The following IFT52 variants were observed in gnomAD, a reference collection of about 807,000 sequenced individuals.
The protein encoded by IFT52 is intraflagellar transport protein 52 homolog.
IFT52 carries 44 observed loss-of-function variants against 54.4 expected under a neutral mutation model. The observed-to-expected ratio is 0.81, with a 90% CI of 0.63 to 1.04. The LOEUF is 1.04. Ranked by LOEUF, IFT52 falls within the 50% of genes least tolerant of loss-of-function variation. IFT52 has a pLI of 0.00. For synonymous variants in IFT52, 181 were observed against 185.3 expected (o/e 0.98, Z 0.19); for missense variants, 452 against 523.6 (o/e 0.86, Z 1.33).
intron 7 of IFT52, 88 bp downstream of exon 7, chr20:43,614,064 A>G (rs1983666182): frequency 3.3e-6 from 4 of 1,205,480 alleles, no homozygotes; most frequent in Non-Finnish European, 4.7e-6. Context: ...AGGCTTCTAT[A>G]TGTTTTCTCA....
intron 10 of IFT52, among the ~76,000 whole-genome samples, chr20:43,625,781 G>A (rs1984674004): frequency 6.6e-6 from 1 of 152,020 alleles, no homozygotes; most frequent in South Asian, 2.1e-4. Flanking sequence ...GGACTTCCTT[G>A]GCTTTCACTC....
intron 10 of IFT52, 69 bp downstream of exon 10, chr20:43,624,114 T>A: frequency 6.6e-7 from 1 of 1,507,340 alleles, no homozygotes; most frequent in Non-Finnish European, 9.1e-7. Flanking sequence ...AACATGAACC[T>A]GGGAACGGGA....
At chr20:43,628,427 C>T (rs181347838) in intron 10 of IFT52, among the ~76,000 whole-genome samples, 44 of 152,230 alleles carry the variant, frequency 2.9e-4, no homozygotes, top group African/African-American at 1.0e-3. Context: ...AAGGGAAAAT[C>T]GCCTACTCAA....
At chr20:43,620,613 G>A (rs370966816) in intron 8 of IFT52, among the ~76,000 whole-genome samples, 69 of 152,256 alleles carry the variant, frequency 4.5e-4, no homozygotes, top group African/African-American at 1.5e-3. Flanking sequence ...CCAAGATTGC[G>A]CCACCGCACT....
intron 12 of IFT52, among the ~76,000 whole-genome samples, chr20:43,640,819 G>T (rs1985858510): frequency 6.6e-6 from 1 of 152,014 alleles, no homozygotes; most frequent in African/African-American, 2.4e-5. Context: ...GTGGATTGCT[G>T]GAGCTCACGA....
chr20:43,599,685 T>C lies in IFT52; in HGVS notation c.207+3163T>C, dbSNP rs186838171. ...AGAGCTGTGTGATGCCTTTTTCATG[T>C]TGACTTCCAGAAACTTCTGTGACAG... On this transcript the variant is annotated intron_variant, in intron 3 of 13. Coordinates refer to ENST00000373030, the MANE Select transcript of IFT52 (RefSeq NM_016004.5). 8.1e-4 allele frequency among the ~76,000 whole-genome samples: 124 copies of C among 152,288 alleles called. 1 individual carries two copies. The highest frequency in any genetic ancestry group is 2.8e-3 in the African/African-American group (115 of 41,562).
At chr20:43,604,368 C>A (rs1982695868) in intron 5 of IFT52, 110 bp downstream of exon 5, 2 of 717,364 alleles carry the variant, frequency 2.8e-6, no homozygotes, top group Non-Finnish European at 4.8e-6. Flanking sequence ...TCAGGAGTTC[C>A]AAACCAGCCT....
At chr20:43,631,983 C>T (rs1276253777) in intron 10 of IFT52, among the ~76,000 whole-genome samples, 16 of 150,338 alleles carry the variant, frequency 1.1e-4, no homozygotes, top group Non-Finnish European at 1.8e-4. Flanking sequence ...TGGAGTGCAA[C>T]GGCACGATCT....
chr20:43,627,599 G>A (rs1378291116), intron 10 of IFT52, among the ~76,000 whole-genome samples: 1 of 152,204 alleles, frequency 6.6e-6, no homozygotes, highest in Non-Finnish European at 1.5e-5. Flanking sequence ...AGAAGTCACA[G>A]GATATTTTTA....
intron 3 of IFT52, among the ~76,000 whole-genome samples, chr20:43,602,138 T>TTA (rs1555801597): frequency 0.15 from 8,274 of 56,882 alleles, 276 homozygotes; most frequent in Non-Finnish European, 0.2. Flanking sequence ...TTGAGCTGAT[T>TTA]TTTATTTTAT....
At chr20:43,602,429 T>C (rs890609278) in intron 3 of IFT52, among the ~76,000 whole-genome samples, 1 of 151,524 alleles carries the variant, frequency 6.6e-6, no homozygotes, top group Non-Finnish European at 1.5e-5. Flanking sequence ...CCCAAACTGT[T>C]GGGATTACAG....
At chr20:43,623,363 T>C (rs914111266) in intron 9 of IFT52, among the ~76,000 whole-genome samples, 1 of 152,082 alleles carries the variant, frequency 6.6e-6, no homozygotes, top group Non-Finnish European at 1.5e-5. Context: ...TTTTTTTGTA[T>C]TTCTGTAGTG....
At chr20:43,603,343 G>GT (rs1221730916) in intron 3 of IFT52, among the ~76,000 whole-genome samples, 2 of 152,188 alleles carry the variant, frequency 1.3e-5, no homozygotes, top group Non-Finnish European at 2.9e-5. Context: ...TAAATCAGTG[G>GT]TTCTTAACTA....
chr20:43,628,983 G>A (rs1291849993), intron 10 of IFT52, among the ~76,000 whole-genome samples: 1 of 152,178 alleles, frequency 6.6e-6, no homozygotes, highest in Non-Finnish European at 1.5e-5. Context: ...CGGGAGGTTA[G>A]AGGTTTTGGA....
rs4810390 is a variant in IFT52, at chr20:43,623,685, G to T, written c.769-206G>T. On this transcript the variant is annotated intron_variant, in intron 9 of 13. Coordinates refer to ENST00000373030, the MANE Select transcript of IFT52 (RefSeq NM_016004.5). ...TGGTGTAATTGGAGATTTGGATTTA[G>T]CCAGTACTGGGGTTTAGCCAAGTGA... Among the ~76,000 whole-genome samples the T allele has an allele frequency of 0.74, 112,486 of 152,162 alleles. 41,766 individuals are homozygous for T. The highest frequency in any genetic ancestry group is 0.8 in the East Asian group (4,118 of 5,174).
chr20:43,611,136 C>T (rs1983412884), intron 6 of IFT52, among the ~76,000 whole-genome samples: 1 of 152,140 alleles, frequency 6.6e-6, no homozygotes, highest in Non-Finnish European at 1.5e-5. Context: ...GAGGTATGGA[C>T]TAGTCCTGCT....
chr20:43,634,987 G>A (rs1985424723), intron 10 of IFT52, among the ~76,000 whole-genome samples: 1 of 152,008 alleles, frequency 6.6e-6, no homozygotes, highest in Non-Finnish European at 1.5e-5. Flanking sequence ...TGACCAACAT[G>A]GTGAAACCCA....
At position 43,603,642 on chromosome 20, in the gene IFT52, A is replaced by G. The variant is rs1982624760; in HGVS notation, c.208-118A>G. On this transcript the variant is annotated intron_variant, in intron 3 of 13. Coordinates refer to ENST00000373030, the MANE Select transcript of IFT52 (RefSeq NM_016004.5). ...TACTTTTTATCTTATATACATTTAT[A>G]TGTAAATGCCTTATAGATTTGAAAT... 5.6e-6 allele frequency: 5 copies of G among 886,110 alleles called. No homozygotes were observed. The South Asian group carries it at 8.4e-5, about 15-fold the overall frequency. 54.9% of individuals were successfully genotyped at this position (886,110 alleles called of 1,614,324 possible). A position where few individuals can be genotyped will look rare whatever the true frequency, so the allele number is the denominator to read the frequency against.
chr20:43,597,662 G>C (rs1438280796), intron 3 of IFT52, among the ~76,000 whole-genome samples: 1 of 152,192 alleles, frequency 6.6e-6, no homozygotes, highest in Non-Finnish European at 1.5e-5. Flanking sequence ...GGGAGGCTGA[G>C]AAGGGTGGAT....
Sources: allele counts gnomAD v4.1 joint callset (sites outside exome capture counted in the v4.1 genomes callset), GRCh38; gene constraint gnomAD v4.1.1; transcripts MANE v1.5; gene names NCBI Gene and HGNC (gene_info 2026-07-23, HGNC 2026-07-21).